The following KCNIP4 variants were observed in gnomAD, a reference collection of about 807,000 sequenced individuals.
KCNIP4 encodes the protein Kv channel-interacting protein 4.
Under a neutral mutation model 34.0 loss-of-function variants are expected in KCNIP4, and 12 were observed. The ratio of observed to expected loss-of-function variants is 0.35; its 90% CI spans 0.23 to 0.57. The LOEUF is 0.57. KCNIP4 is among the 20% of genes least tolerant of loss of function. The probability of loss-of-function intolerance (pLI) is 0.83; values close to 1 mark genes in which losing one functional copy is unlikely to be tolerated. For missense variants in KCNIP4, 238 were observed against 311.7 expected (o/e 0.76, Z 1.78); for synonymous variants, 124 against 102.2 (o/e 1.21, Z -1.29).
At chr4:21,418,507 AAAAT>A (rs1265273079) in intron 1 of KCNIP4, among the ~76,000 whole-genome samples, 1 of 152,192 alleles carries the variant, frequency 6.6e-6, no homozygotes, top group Non-Finnish European at 1.5e-5. Context: ...AAAAAAAGAA[AAAAT>A]AAATAAATAA....
intron 1 of KCNIP4, among the ~76,000 whole-genome samples, chr4:21,930,013 G>C (rs116340743): frequency 0.01 from 1,575 of 152,066 alleles, 25 homozygotes; most frequent in African/African-American, 0.035. Context: ...CCTCCTAAGT[G>C]ACCTCTTCTG....
chr4:21,818,416 G>A (rs1404394163), intron 1 of KCNIP4, among the ~76,000 whole-genome samples: 1 of 152,200 alleles, frequency 6.6e-6, no homozygotes, highest in Non-Finnish European at 1.5e-5. Flanking sequence ...TTTCTAGACA[G>A]TAGGTGCTGT....
intron 1 of KCNIP4, among the ~76,000 whole-genome samples, chr4:21,455,269 T>A (rs1328280927): frequency 3.9e-5 from 6 of 152,006 alleles, no homozygotes; most frequent in Non-Finnish European, 8.8e-5. Flanking sequence ...CACTGTGAAA[T>A]AGGGACCAAT....
chr4:21,671,754 C>T (rs1184039080), intron 1 of KCNIP4, among the ~76,000 whole-genome samples: 5 of 152,086 alleles, frequency 3.3e-5, no homozygotes, highest in Non-Finnish European at 7.3e-5. Flanking sequence ...CTGAAGTGCC[C>T]ACGTTGGAGG....
At chr4:21,673,035 A>G (rs894272871) in intron 1 of KCNIP4, among the ~76,000 whole-genome samples, 9 of 152,218 alleles carry the variant, frequency 5.9e-5, no homozygotes, top group African/African-American at 2.2e-4. Context: ...ACCAGAATAA[A>G]TACTGCAGCA....
chr4:21,685,345 T>C (rs1750722837), intron 1 of KCNIP4, among the ~76,000 whole-genome samples: 1 of 152,310 alleles, frequency 6.6e-6, no homozygotes. Context: ...GAACCTTGAA[T>C]TGGGATCACT....
At chr4:21,665,845 C>T (rs1431260400) in intron 1 of KCNIP4, among the ~76,000 whole-genome samples, 2 of 152,188 alleles carry the variant, frequency 1.3e-5, no homozygotes, top group African/African-American at 4.8e-5. Context: ...GCAGCCAACT[C>T]CCTATATCCC....
At chr4:21,679,647 G>A (rs183963222) in intron 1 of KCNIP4, among the ~76,000 whole-genome samples, 5 of 152,216 alleles carry the variant, frequency 3.3e-5, no homozygotes, top group Non-Finnish European at 5.9e-5. Context: ...ATACATTCAA[G>A]CCTGTATTGA....
intron 1 of KCNIP4, 68 bp from the exon 2 acceptor site, chr4:20,882,777 A>C: frequency 7.9e-7 from 1 of 1,266,138 alleles, no homozygotes; most frequent in Non-Finnish European, 1.1e-6. Context: ...TGCAGGGTTT[A>C]TCAGAGAAGC....
At chr4:21,530,612 G>A (rs1736593166) in intron 1 of KCNIP4, among the ~76,000 whole-genome samples, 1 of 152,074 alleles carries the variant, frequency 6.6e-6, no homozygotes, top group Non-Finnish European at 1.5e-5. Context: ...AGAGCTCTCA[G>A]CTCTTTGTAA....
chr4:20,966,386 C>A (rs1318835207), intron 1 of KCNIP4, among the ~76,000 whole-genome samples: 1 of 152,116 alleles, frequency 6.6e-6, no homozygotes, highest in Non-Finnish European at 1.5e-5. Flanking sequence ...GTACTTGATT[C>A]TAAATGTACT....
intron 1 of KCNIP4, among the ~76,000 whole-genome samples, chr4:21,715,229 T>G (rs1176718212): frequency 6.6e-6 from 1 of 151,518 alleles, no homozygotes; most frequent in Non-Finnish European, 1.5e-5. Context: ...TACACCAGGT[T>G]CACGCCATTC....
intron 1 of KCNIP4, among the ~76,000 whole-genome samples, chr4:21,095,549 G>T (rs1747386037): frequency 6.6e-6 from 1 of 152,036 alleles, no homozygotes; most frequent in Non-Finnish European, 1.5e-5. Flanking sequence ...TTTAAAACAT[G>T]AATGAAATAA....
At chr4:21,703,464 CA>C (rs1204692299) in intron 1 of KCNIP4, among the ~76,000 whole-genome samples, 2 of 151,940 alleles carry the variant, frequency 1.3e-5, no homozygotes, top group African/African-American at 4.8e-5. Context: ...ATCGCAAGGA[CA>C]AAAAACCAAA....
At chr4:21,167,602 A>G (rs1246956224) in intron 1 of KCNIP4, among the ~76,000 whole-genome samples, 1 of 152,230 alleles carries the variant, frequency 6.6e-6, no homozygotes, top group Non-Finnish European at 1.5e-5. Flanking sequence ...CGCTGATAAC[A>G]TCTTCAACAT....
At chr4:21,092,956 T>C (rs1334736008) in intron 1 of KCNIP4, among the ~76,000 whole-genome samples, 1 of 152,220 alleles carries the variant, frequency 6.6e-6, no homozygotes, top group Non-Finnish European at 1.5e-5. Context: ...AATCTATCAT[T>C]CAAAGGCATA....
intron 1 of KCNIP4, among the ~76,000 whole-genome samples, chr4:21,144,762 A>G (rs987684902): frequency 2.6e-5 from 4 of 152,138 alleles, no homozygotes; most frequent in African/African-American, 7.2e-5. Context: ...ACTTAGAGCC[A>G]TTTTTGTCCT....
rs115546202 is a variant in KCNIP4, at chr4:21,639,278, T to G, written c.61+309293A>C. ...TAATCACATAAAGTTTAAATCATAT[T>G]TAACTATTCAGTTGAAGAAAAATAC... On this transcript the variant is annotated intron_variant, in intron 1 of 8. Transcript: ENST00000382152. Among the ~76,000 whole-genome samples, 494 of 152,286 alleles carry G rather than the reference T, an allele frequency of 3.2e-3. 5 individuals carry two copies. The highest frequency in any genetic ancestry group is 0.011 in the African/African-American group (475 of 41,568).
intron 1 of KCNIP4, among the ~76,000 whole-genome samples, chr4:21,670,153 G>A (rs556462649): frequency 1.1e-4 from 16 of 151,956 alleles, no homozygotes; most frequent in Non-Finnish European, 1.6e-4. Context: ...TATCTGAAAC[G>A]GGATGAGAAA....
Sources: allele counts gnomAD v4.1 joint callset (sites outside exome capture counted in the v4.1 genomes callset), GRCh38; gene constraint gnomAD v4.1.1; transcripts MANE v1.5; gene names NCBI Gene and HGNC (gene_info 2026-07-23, HGNC 2026-07-21).